The following SERPINB10 variants were observed in gnomAD, a reference collection of about 807,000 sequenced individuals.
SERPINB10 encodes serpin B10.
Under a neutral mutation model 39.1 loss-of-function variants are expected in SERPINB10, and 35 were observed. That is an observed-to-expected ratio of 0.90 (90% CI 0.68 to 1.19). The LOEUF is 1.19. Among genes scored for constraint, SERPINB10 ranks in the 50% most tolerant of loss-of-function variants. SERPINB10 has a pLI of 0.00. For missense variants in SERPINB10, 546 were observed against 460.5 expected (o/e 1.19, Z -1.70); for synonymous variants, 190 against 158.1 (o/e 1.20, Z -1.52).
At chr18:63,932,677 C>T (rs1196040990) in intron 6 of SERPINB10, among the ~76,000 whole-genome samples, 1 of 152,082 alleles carries the variant, frequency 6.6e-6, no homozygotes, top group Non-Finnish European at 1.5e-5. Flanking sequence ...TAGTGAATGT[C>T]AATTTTTATA....
chr18:63,914,430 T>G (rs1437287335), intron 1 of SERPINB10, among the ~76,000 whole-genome samples: 2 of 152,126 alleles, frequency 1.3e-5, no homozygotes, highest in Non-Finnish European at 2.9e-5. Context: ...TAAGGATTTC[T>G]TGTAAGGCTG....
chr18:63,919,751 A>C (rs1305261172), intron 4 of SERPINB10, 37 bp from the exon 5 acceptor site: 2 of 1,408,044 alleles, frequency 1.4e-6, no homozygotes, highest in Non-Finnish European at 2.0e-6. Context: ...ATTTTGAACA[A>C]ACTCTACAAA....
intron 5 of SERPINB10, among the ~76,000 whole-genome samples, chr18:63,922,507 A>G (rs576648516): frequency 3.0e-4 from 46 of 152,028 alleles, no homozygotes; most frequent in Non-Finnish European, 4.6e-4. Context: ...TAGCCTGGTG[A>G]CTGTTATGTT....
rs552868891 is a variant in SERPINB10, at chr18:63,918,547, A to G, written c.372+445A>G. On this transcript the variant is annotated intron_variant, in intron 4 of 7. Transcript: ENST00000238508. ...ACCATGATGACTCTGTCCTCTGTTA[A>G]GAGGGTCACATGACAACCCAGGTCA... 3.9e-5 allele frequency among the ~76,000 whole-genome samples: 6 copies of G among 152,162 alleles called. No individual in the cohort carries two copies. In the East Asian group the frequency reaches 1.2e-3, roughly 30 times the overall value.
intron 5 of SERPINB10, among the ~76,000 whole-genome samples, chr18:63,920,143 T>C (rs774111606): frequency 1.3e-5 from 2 of 151,954 alleles, no homozygotes; most frequent in Non-Finnish European, 2.9e-5. Context: ...AAGAAAATTA[T>C]CATCTCCCAC....
intron 5 of SERPINB10, among the ~76,000 whole-genome samples, chr18:63,921,954 ACTTCTCAGGG>A (rs1462887458): frequency 6.6e-6 from 1 of 151,800 alleles, no homozygotes; most frequent in African/African-American, 2.4e-5. Context: ...CCCCCAAATA[ACTTCTCAGGG>A]CTTCATTCAG....
chr18:63,921,315 G>T (rs2050145318), intron 5 of SERPINB10, among the ~76,000 whole-genome samples: 1 of 151,736 alleles, frequency 6.6e-6, no homozygotes, highest in Admixed American at 6.6e-5. Flanking sequence ...TTTGCCAAGG[G>T]TCCCATGCAT....
At chr18:63,933,595 A>G (rs559604765) in intron 7 of SERPINB10, among the ~76,000 whole-genome samples, 14 of 152,334 alleles carry the variant, frequency 9.2e-5, no homozygotes, top group African/African-American at 3.4e-4. Context: ...GTAATTTGAA[A>G]TTAATATTTT....
At chr18:63,908,692 G>T (rs2050042928) in intron 1 of SERPINB10, among the ~76,000 whole-genome samples, 1 of 152,004 alleles carries the variant, frequency 6.6e-6, no homozygotes, top group African/African-American at 2.4e-5. Context: ...AAAGGCCTTA[G>T]GTGAATAGAG....
chr18:63,930,348 A>G (rs2050213656), intron 6 of SERPINB10, among the ~76,000 whole-genome samples, 161 bp downstream of exon 6: 1 of 152,170 alleles, frequency 6.6e-6, no homozygotes, highest in African/African-American at 2.4e-5. Context: ...TGGGGAATTC[A>G]TTGAAATTCC....
intron 5 of SERPINB10, among the ~76,000 whole-genome samples, chr18:63,923,781 A>C (rs570092507): frequency 6.6e-6 from 1 of 151,794 alleles, no homozygotes; most frequent in African/African-American, 2.4e-5. Flanking sequence ...AAATTTCACA[A>C]TCTATCCTAT....
intron 5 of SERPINB10, among the ~76,000 whole-genome samples, chr18:63,923,718 C>A (rs1392851930): frequency 1.4e-4 from 21 of 151,562 alleles, no homozygotes; most frequent in Admixed American, 1.4e-3. Context: ...TCATGATTTT[C>A]TTCTTTTCAT....
chr18:63,932,638 C>T (rs1455178097), intron 6 of SERPINB10, among the ~76,000 whole-genome samples: 1 of 152,024 alleles, frequency 6.6e-6, no homozygotes, highest in Non-Finnish European at 1.5e-5. Context: ...ATATTTTCTG[C>T]TCATCTATTG....
At chr18:63,919,256 A>C (rs2050128676) in intron 4 of SERPINB10, among the ~76,000 whole-genome samples, 1 of 112,082 alleles carries the variant, frequency 8.9e-6, no homozygotes, top group African/African-American at 3.7e-5. Flanking sequence ...TTTTTGCCTC[A>C]GAATGCCTAA....
chr18:63,926,403 T>TG (rs1454444434), intron 5 of SERPINB10, among the ~76,000 whole-genome samples: 1 of 152,018 alleles, frequency 6.6e-6, no homozygotes, highest in Non-Finnish European at 1.5e-5. Flanking sequence ...CAATATGACA[T>TG]CATCTTAACT....
chr18:63,924,418 T>C (rs17072178), intron 5 of SERPINB10, among the ~76,000 whole-genome samples: 2,388 of 152,060 alleles, frequency 0.016, 72 homozygotes, highest in African/African-American at 0.054. Context: ...CAGGGAGGTA[T>C]AGAAAGTCAA....
At chr18:63,909,053 G>C (rs989675689) in intron 1 of SERPINB10, among the ~76,000 whole-genome samples, 4 of 152,014 alleles carry the variant, frequency 2.6e-5, no homozygotes, top group African/African-American at 9.7e-5. Context: ...AGCTGGGTTA[G>C]GGAGATTCTA....
chr18:63,925,402 G>A (rs570053783), intron 5 of SERPINB10, among the ~76,000 whole-genome samples: 82 of 152,018 alleles, frequency 5.4e-4, no homozygotes, highest in Non-Finnish European at 1.1e-3. Flanking sequence ...CAGAGCTCCT[G>A]GACAAAATGG....
At chr18:63,934,031 T>C (rs2050243151) in intron 7 of SERPINB10, among the ~76,000 whole-genome samples, 1 of 152,190 alleles carries the variant, frequency 6.6e-6, no homozygotes, top group South Asian at 2.1e-4. Flanking sequence ...GTCAAGCCCT[T>C]GTAAGATAAA....
Sources: gnomAD v4.1 joint callset for allele counts (sites outside exome capture counted in the v4.1 genomes callset) on GRCh38, gnomAD v4.1.1 for gene constraint, MANE v1.5 for transcripts, NCBI Gene and HGNC (gene_info 2026-07-23, HGNC 2026-07-21) for gene names.